RBFOX1: variants seen among roughly 807,000 people sequenced by gnomAD.
The protein encoded by RBFOX1 is RNA binding protein fox-1 homolog 1.
RBFOX1 carries 8 observed loss-of-function variants against 57.7 expected under a neutral mutation model. The ratio of observed to expected loss-of-function variants is 0.14; its 90% confidence interval spans 0.08 to 0.25. The LOEUF is 0.25. RBFOX1 is among the 10% of genes least tolerant of loss of function. The probability of loss-of-function intolerance (pLI) is 1.00; values close to 1 mark genes in which losing one functional copy is unlikely to be tolerated. For synonymous variants in RBFOX1, 326 were observed against 222.4 expected (o/e 1.47, Z -4.15); for missense variants, 611 against 548.5 (o/e 1.11, Z -1.14).
chr16:7,393,397 A>G (rs2098079427), intron 4 of RBFOX1, among the ~76,000 whole-genome samples: 1 of 152,200 alleles, frequency 6.6e-6, no homozygotes, highest in Non-Finnish European at 1.5e-5. Context: ...TCACTGTATG[A>G]AAAACCCAAC....
At chr16:7,500,777 G>A (rs2070502485) in intron 4 of RBFOX1, among the ~76,000 whole-genome samples, 1 of 152,290 alleles carries the variant, frequency 6.6e-6, no homozygotes, top group East Asian at 1.9e-4. Flanking sequence ...CCTATCCCAT[G>A]ATATGGTTTG....
Position 6,504,623 on chromosome 16 carries a change from A to C in RBFOX1, c.-63-149980A>C, listed in dbSNP as rs576764914. On this transcript the variant is annotated intron_variant, in intron 2 of 15. Coordinates refer to ENST00000550418, the MANE Select transcript of RBFOX1 (RefSeq NM_018723.4). ...ACCTCATGTTGGTAGATAGATGGGC[A>C]AGTGTGAGGGGTAGTAGGTATGACC... Among the ~76,000 whole-genome samples, 5 of 152,312 alleles carry C rather than the reference A, an allele frequency of 3.3e-5. No homozygotes were observed. The South Asian group carries it at 1.0e-3, about 32-fold the overall frequency.
At chr16:6,955,912 G>C (rs1375886408) in intron 3 of RBFOX1, among the ~76,000 whole-genome samples, 1 of 151,952 alleles carries the variant, frequency 6.6e-6, no homozygotes. Flanking sequence ...CACCATGTTG[G>C]TCAGGCTGGT....
chr16:5,456,123 A>T (rs908702931), intron 1 of RBFOX1, among the ~76,000 whole-genome samples: 1 of 152,138 alleles, frequency 6.6e-6, no homozygotes, highest in African/African-American at 2.4e-5. Context: ...TAAAAAAAAA[A>T]CGTGCTTAAC....
chr16:5,280,082 A>G (rs1160842551), intron 1 of RBFOX1, among the ~76,000 whole-genome samples: 1 of 152,154 alleles, frequency 6.6e-6, no homozygotes, highest in Non-Finnish European at 1.5e-5. Flanking sequence ...TTTGTCATAT[A>G]TGCCTTTTCT....
chr16:7,518,486 C>T, intron 5 of RBFOX1, 97 bp downstream of exon 5: 1 of 1,482,496 alleles, frequency 6.7e-7, no homozygotes, highest in Non-Finnish European at 9.0e-7. Context: ...CCCAGGGACT[C>T]TGGGAAACAG....
chr16:6,612,714 T>C (rs935992499), intron 2 of RBFOX1, among the ~76,000 whole-genome samples: 5 of 151,488 alleles, frequency 3.3e-5, no homozygotes, highest in African/African-American at 1.2e-4. Context: ...TAGCCGGGTG[T>C]GGTGGTCGGT....
At chr16:5,647,159 A>T (rs758101872) in intron 3 of RBFOX1, among the ~76,000 whole-genome samples, 7 of 152,172 alleles carry the variant, frequency 4.6e-5, no homozygotes, top group Non-Finnish European at 8.8e-5. Context: ...CTCAAGGTGG[A>T]CCAGTGATAT....
intron 3 of RBFOX1, among the ~76,000 whole-genome samples, chr16:6,720,861 A>T (rs1274894662): frequency 6.6e-6 from 1 of 152,204 alleles, no homozygotes; most frequent in Non-Finnish European, 1.5e-5. Context: ...ACCATGATTC[A>T]TTCCCTCTCT....
At chr16:6,792,719 G>T (rs991046460) in intron 3 of RBFOX1, among the ~76,000 whole-genome samples, 2 of 151,948 alleles carry the variant, frequency 1.3e-5, no homozygotes, top group African/African-American at 4.8e-5. Flanking sequence ...AAAATAGATT[G>T]TTCTTGAAGG....
chr16:7,465,271 A>G (rs2060303332), intron 4 of RBFOX1, among the ~76,000 whole-genome samples: 1 of 152,196 alleles, frequency 6.6e-6, no homozygotes, highest in African/African-American at 2.4e-5. Context: ...ATTGAAGTAC[A>G]CACTCATTAC....
At chr16:7,621,502 T>C (rs915550192) in intron 10 of RBFOX1, among the ~76,000 whole-genome samples, 2 of 152,110 alleles carry the variant, frequency 1.3e-5, no homozygotes, top group Admixed American at 1.3e-4. Flanking sequence ...CCTCAAGTGA[T>C]CCTCCTGCCT....
intron 5 of RBFOX1, among the ~76,000 whole-genome samples, chr16:7,519,403 T>C (rs372847025): frequency 2.6e-5 from 4 of 152,212 alleles, no homozygotes; most frequent in Non-Finnish European, 4.4e-5. Flanking sequence ...TGGTGACGGT[T>C]ACATGACTTT....
At chr16:5,391,897 A>G (rs1021243144) in intron 1 of RBFOX1, among the ~76,000 whole-genome samples, 1 of 151,520 alleles carries the variant, frequency 6.6e-6, no homozygotes, top group East Asian at 2.0e-4. Flanking sequence ...GTATACACAC[A>G]CACACACACA....
intron 3 of RBFOX1, among the ~76,000 whole-genome samples, chr16:5,757,808 C>G (rs1256789223): frequency 6.6e-6 from 1 of 152,216 alleles, no homozygotes; most frequent in Admixed American, 6.5e-5. Context: ...GATTCTTCAG[C>G]TTGTCATCTG....
intron 5 of RBFOX1, 142 bp from the exon 6 acceptor site, chr16:7,579,635 T>A: frequency 1.0e-6 from 1 of 954,080 alleles, no homozygotes; most frequent in Non-Finnish European, 1.6e-6. Context: ...AATGAATGCA[T>A]GCATGCATGC....
At chr16:7,031,742 C>T (rs1486204283) in intron 3 of RBFOX1, among the ~76,000 whole-genome samples, 2 of 152,076 alleles carry the variant, frequency 1.3e-5, no homozygotes, top group Non-Finnish European at 2.9e-5. Flanking sequence ...ATACTCTGTG[C>T]CCTCAAACAA....
At chr16:6,528,665 G>T (rs2096615081) in intron 2 of RBFOX1, among the ~76,000 whole-genome samples, 1 of 152,164 alleles carries the variant, frequency 6.6e-6, no homozygotes, top group South Asian at 2.1e-4. Context: ...GATATCACTT[G>T]TGCTAGGCTT....
At chr16:6,607,146 C>G (rs547892829) in intron 2 of RBFOX1, among the ~76,000 whole-genome samples, 3 of 152,296 alleles carry the variant, frequency 2.0e-5, no homozygotes, top group Non-Finnish European at 2.9e-5. Flanking sequence ...TGCATTTTAG[C>G]AAGCTTCCTA....
Sources: gnomAD v4.1 joint callset for allele counts (sites outside exome capture counted in the v4.1 genomes callset) on GRCh38, gnomAD v4.1.1 for gene constraint, MANE v1.5 for transcripts, NCBI Gene and HGNC (gene_info 2026-07-23, HGNC 2026-07-21) for gene names.